KALRN: variants seen among roughly 807,000 people sequenced by gnomAD.
The protein encoded by KALRN is kalirin RhoGEF kinase.
Under a neutral mutation model 353.7 loss-of-function variants are expected in KALRN, and 70 were observed. The observed-to-expected ratio is 0.20, with a 90% CI of 0.16 to 0.24. The LOEUF is 0.24. Ranked by LOEUF, KALRN falls within the 10% of genes least tolerant of loss-of-function variation. The pLI is 1.00. For synonymous variants in KALRN, 1,391 were observed against 1,434.8 expected (o/e 0.97, Z 0.69); for missense variants, 2,791 against 3,756.7 (o/e 0.74, Z 6.72).
chr3:124,510,223 G>C (rs889428929), intron 33 of KALRN, among the ~76,000 whole-genome samples: 6 of 152,214 alleles, frequency 3.9e-5, no homozygotes, highest in African/African-American at 1.2e-4. Context: ...ATCAGAGAAT[G>C]TTCCACGTTA....
chr3:124,144,536 C>G (rs2067048204), intron 1 of KALRN, among the ~76,000 whole-genome samples: 1 of 151,846 alleles, frequency 6.6e-6, no homozygotes, highest in African/African-American at 2.4e-5. Flanking sequence ...CTTCCTCGTC[C>G]TCCTCCTCTT....
chr3:124,514,155 G>A (rs1261400021), intron 33 of KALRN, among the ~76,000 whole-genome samples: 1 of 152,192 alleles, frequency 6.6e-6, no homozygotes, highest in African/African-American at 2.4e-5. Flanking sequence ...TGCATCAAGT[G>A]ATATTTCCAG....
At chr3:124,205,749 C>T (rs2076356935) in intron 1 of KALRN, among the ~76,000 whole-genome samples, 1 of 152,132 alleles carries the variant, frequency 6.6e-6, no homozygotes, top group Admixed American at 6.5e-5. Flanking sequence ...ATGTTCATAT[C>T]GCTCTCTAAA....
In KALRN at chr3:124,697,846, G is replaced by C. The variant is rs1043281657; in HGVS notation, c.7831+122G>C. On this transcript the variant is annotated intron_variant, in intron 55 of 59. Coordinates refer to ENST00000682506, the MANE Select transcript of KALRN (RefSeq NM_001388419.1). ...AACCATTTTTTCAAAAATTTGAATA[G>C]AGACAGGCTATTGCTATATTGCCCA... 5 of 1,028,428 alleles carry C rather than the reference G, an allele frequency of 4.9e-6. No homozygotes were observed. In the Admixed American group the frequency reaches 1.3e-4, roughly 26 times the overall value. 63.7% of individuals were successfully genotyped at this position (1,028,428 alleles called of 1,614,324 possible).
chr3:124,666,395 A>T lies in KALRN; in HGVS notation c.6346-54A>T, dbSNP rs575863319. 1.9e-6 allele frequency: 3 copies of T among 1,540,828 alleles called. No individual in the cohort carries two copies. In the South Asian group the frequency reaches 3.4e-5, roughly 18 times the overall value. ...GGGAGGTTCTGTGGACCCAGAGGGC[A>T]GTGGCTCGCTCCCCATTTTTCATTC... On this transcript the variant is annotated intron_variant, in intron 45 of 59. Coordinates refer to ENST00000682506, the MANE Select transcript of KALRN (RefSeq NM_001388419.1).
At chr3:124,693,719 T>C (rs368182318) in intron 51 of KALRN, 85 bp from the exon 52 acceptor site, 78 of 886,404 alleles carry the variant, frequency 8.8e-5, no homozygotes, top group Middle Eastern at 2.3e-4. Context: ...AATTGTACTT[T>C]CTTTTTACTC....
intron 51 of KALRN, among the ~76,000 whole-genome samples, chr3:124,693,122 C>T (rs1054498839): frequency 6.6e-6 from 1 of 152,162 alleles, no homozygotes; most frequent in African/African-American, 2.4e-5. Context: ...TTCATTTTCT[C>T]ACCTATGAAG....
At chr3:124,335,584 G>T (rs1468049512) in intron 9 of KALRN, among the ~76,000 whole-genome samples, 1 of 152,068 alleles carries the variant, frequency 6.6e-6, no homozygotes, top group Non-Finnish European at 1.5e-5. Flanking sequence ...GAGCTGGCTG[G>T]GAGATGGGGA....
chr3:124,487,941 T>G (rs2062738285), intron 28 of KALRN, among the ~76,000 whole-genome samples: 1 of 152,228 alleles, frequency 6.6e-6, no homozygotes, highest in Non-Finnish European at 1.5e-5. Context: ...ATGCCTCAGT[T>G]GCTGCCTTAC....
intron 4 of KALRN, 27 bp from the exon 5 acceptor site, chr3:124,268,716 A>T (rs2073845708): frequency 2.5e-6 from 4 of 1,611,296 alleles, no homozygotes; most frequent in Non-Finnish European, 3.4e-6. Flanking sequence ...ATCACTGAGT[A>T]TCCTTGTCTG....
At chr3:124,353,526 C>T (rs2083058621) in intron 10 of KALRN, among the ~76,000 whole-genome samples, 1 of 152,080 alleles carries the variant, frequency 6.6e-6, no homozygotes, top group African/African-American at 2.4e-5. Flanking sequence ...AATGTTTGCT[C>T]CTTTAGGATT....
At position 124,702,161 on chromosome 3, in the gene KALRN, A is replaced by T; in HGVS notation, c.8075+45A>T. On this transcript the variant is annotated intron_variant, in intron 57 of 59. Transcript: ENST00000682506. ...TTCCTTCATTCATGAACACCTAGCA[A>T]CATCACATCAGAACAGTAACTTTTT... The T allele has an allele frequency of 3.3e-6, 4 of 1,202,268 alleles. No homozygotes were observed. In the South Asian group the frequency reaches 4.9e-5, roughly 15 times the overall value. The allele number at this position is 1,202,268 out of a possible 1,614,324, so 74.5% of individuals were successfully genotyped here.
At chr3:124,476,647 G>C (rs571916238) in intron 26 of KALRN, among the ~76,000 whole-genome samples, 1 of 152,242 alleles carries the variant, frequency 6.6e-6, no homozygotes, top group South Asian at 2.1e-4. Context: ...CCAGCCGTAA[G>C]GTTCTTGGCT....
rs751319283 is a variant in KALRN at position 124,430,646 on chromosome 3, G to A, written c.2710-10G>A. ...GGCCATTCACCTGTGTGCTTGTCCC[G>A]ATTCCCTAGGTTCTGGGATGGATCC... On this transcript the variant is annotated splice_polypyrimidine_tract_variant and intron_variant, in intron 15 of 59. Coordinates refer to ENST00000682506, the MANE Select transcript of KALRN (RefSeq NM_001388419.1). 2.0e-5 allele frequency: 32 copies of A among 1,613,696 alleles called. No homozygotes were observed. Among genetic ancestry groups the A allele is most frequent in the African/African-American group, 1.9e-4 (14 of 75,016 alleles).
intron 1 of KALRN, among the ~76,000 whole-genome samples, chr3:124,160,122 A>G (rs1184112323): frequency 2.0e-5 from 3 of 150,598 alleles, no homozygotes; most frequent in Admixed American, 6.7e-5. Context: ...CTTTGCAGAT[A>G]TAATTAGTTA....
intron 37 of KALRN, among the ~76,000 whole-genome samples, chr3:124,645,621 A>C (rs2082601668): frequency 7.1e-6 from 1 of 140,308 alleles, no homozygotes; most frequent in South Asian, 2.4e-4. Flanking sequence ...AAGGCTGAAT[A>C]ATATTTCTCT....
intron 33 of KALRN, among the ~76,000 whole-genome samples, chr3:124,537,615 G>T (rs1347591506): frequency 1.3e-5 from 2 of 152,140 alleles, no homozygotes; most frequent in African/African-American, 4.8e-5. Flanking sequence ...GTTTGGGAAA[G>T]GAAGGAAGGA....
chr3:124,143,726 A>C (rs760951581), intron 1 of KALRN, among the ~76,000 whole-genome samples: 32 of 152,242 alleles, frequency 2.1e-4, no homozygotes, highest in Non-Finnish European at 3.5e-4. Context: ...AGGCAGGACA[A>C]ACAAAGGTAA....
intron 13 of KALRN, among the ~76,000 whole-genome samples, chr3:124,401,881 T>G (rs930374852): frequency 6.6e-6 from 1 of 152,180 alleles, no homozygotes; most frequent in African/African-American, 2.4e-5. Context: ...CAGCTATGTC[T>G]CACTGTGGGG....
Sources: gnomAD v4.1 joint callset for allele counts (sites outside exome capture counted in the v4.1 genomes callset) on GRCh38, gnomAD v4.1.1 for gene constraint, MANE v1.5 for transcripts, NCBI Gene and HGNC (gene_info 2026-07-23, HGNC 2026-07-21) for gene names.